ADGRL3: variants seen among roughly 807,000 people sequenced by gnomAD.
The protein encoded by ADGRL3 is calcium-independent alpha-latrotoxin receptor 3.
In ADGRL3, 62 loss-of-function variants were observed where a neutral mutation model predicts 153.5. That is an observed-to-expected ratio of 0.40 (90% confidence interval 0.33 to 0.50). ADGRL3 has a LOEUF of 0.50. Among genes scored for constraint, ADGRL3 ranks in the 20% least tolerant of loss-of-function variants. ADGRL3 has a pLI of 0.47. For missense variants in ADGRL3, 1,641 were observed against 1,859.4 expected, an observed-to-expected ratio of 0.88 and a Z score of 2.16; for synonymous variants, 710 against 672.5, an observed-to-expected ratio of 1.06 and a Z score of -0.86.
chr4:61,954,439 G>A (rs1382373392), intron 17 of ADGRL3, among the ~76,000 whole-genome samples: 2 of 151,896 alleles, frequency 1.3e-5, no homozygotes, highest in Non-Finnish European at 2.9e-5. Flanking sequence ...TTGCCAGAGG[G>A]ATACTTTTAA....
At chr4:61,272,431 T>G (rs2093239447) in intron 1 of ADGRL3, among the ~76,000 whole-genome samples, 1 of 152,104 alleles carries the variant, frequency 6.6e-6, no homozygotes, top group Non-Finnish European at 1.5e-5. Flanking sequence ...TGCTTTCACT[T>G]CTTATATAAA....
intron 5 of ADGRL3, among the ~76,000 whole-genome samples, chr4:61,598,048 TC>T (rs2098996471): frequency 6.6e-6 from 1 of 152,130 alleles, no homozygotes; most frequent in African/African-American, 2.4e-5. Context: ...AAGTAGATCA[TC>T]CTTGCCTGAG....
chr4:61,371,151 T>A (rs2096518829), intron 1 of ADGRL3, among the ~76,000 whole-genome samples: 1 of 150,926 alleles, frequency 6.6e-6, no homozygotes, highest in Admixed American at 6.6e-5. Flanking sequence ...GTTTCCTGAA[T>A]ACAGCACACT....
chr4:61,985,469 C>T (rs937056815), intron 19 of ADGRL3, among the ~76,000 whole-genome samples: 1 of 151,970 alleles, frequency 6.6e-6, no homozygotes, highest in African/African-American at 2.4e-5. Context: ...GCCAATTAGA[C>T]ATTAATAAAA....
chr4:61,902,692 G>C (rs2149724394), intron 11 of ADGRL3, among the ~76,000 whole-genome samples: 1 of 152,090 alleles, frequency 6.6e-6, no homozygotes, highest in South Asian at 2.1e-4. Flanking sequence ...CCTCTGCCCA[G>C]AGGCCCCTAC....
chr4:61,765,426 C>T (rs1001272380), intron 8 of ADGRL3, among the ~76,000 whole-genome samples: 1 of 152,068 alleles, frequency 6.6e-6, no homozygotes, highest in South Asian at 2.1e-4. Context: ...ATTGTCCAGT[C>T]CTTTTTAAGT....
chr4:61,430,880 T>C (rs941482976), intron 2 of ADGRL3, among the ~76,000 whole-genome samples: 3 of 152,218 alleles, frequency 2.0e-5, no homozygotes, highest in African/African-American at 7.2e-5. Flanking sequence ...AGTAGAGGTT[T>C]AGTGATAACA....
intron 2 of ADGRL3, among the ~76,000 whole-genome samples, chr4:61,461,354 A>G (rs2152586897): frequency 6.6e-6 from 1 of 152,302 alleles, no homozygotes; most frequent in South Asian, 2.1e-4. Flanking sequence ...GTATATATCA[A>G]TATAGCTAAA....
chr4:61,370,327 G>T (rs974316629), intron 1 of ADGRL3, among the ~76,000 whole-genome samples: 5 of 151,348 alleles, frequency 3.3e-5, no homozygotes, highest in African/African-American at 1.2e-4. Context: ...ATGTTAGGGT[G>T]TCAATTTTGG....
At chr4:61,383,636 A>G (rs1467646177) in intron 2 of ADGRL3, among the ~76,000 whole-genome samples, 1 of 151,840 alleles carries the variant, frequency 6.6e-6, no homozygotes, top group East Asian at 1.9e-4. Context: ...TTCAGTTTTC[A>G]ATTACATAAT....
intron 1 of ADGRL3, among the ~76,000 whole-genome samples, chr4:61,264,742 A>G (rs988126375): frequency 6.6e-6 from 1 of 152,010 alleles, no homozygotes; most frequent in African/African-American, 2.4e-5. Flanking sequence ...CCTATGGCAA[A>G]TACTGCTAGT....
At chr4:61,729,219 T>G (rs910713012) in intron 6 of ADGRL3, among the ~76,000 whole-genome samples, 3 of 151,888 alleles carry the variant, frequency 2.0e-5, no homozygotes, top group Non-Finnish European at 4.4e-5. Context: ...TTGAAACTAT[T>G]TAAAACATAA....
intron 5 of ADGRL3, among the ~76,000 whole-genome samples, chr4:61,660,387 C>A (rs2094560385): frequency 6.6e-6 from 1 of 152,076 alleles, no homozygotes; most frequent in Admixed American, 6.6e-5. Flanking sequence ...GATTCAGAAT[C>A]TTTTTCTTAA....
chr4:61,621,878 A>G (rs1002364858), intron 5 of ADGRL3, among the ~76,000 whole-genome samples: 1 of 152,188 alleles, frequency 6.6e-6, no homozygotes, highest in Non-Finnish European at 1.5e-5. Flanking sequence ...AAGGCAATTA[A>G]TCCCCACCTC....
chr4:61,211,286 C>A (rs539817269), intron 1 of ADGRL3, among the ~76,000 whole-genome samples: 12 of 152,092 alleles, frequency 7.9e-5, no homozygotes, highest in Middle Eastern at 3.4e-3. Context: ...TTGGATACCT[C>A]TAGCCTTCTG....
chr4:61,467,303 A>T (rs1472101645), intron 2 of ADGRL3, among the ~76,000 whole-genome samples: 2 of 152,158 alleles, frequency 1.3e-5, no homozygotes, highest in Non-Finnish European at 2.9e-5. Context: ...ACGTGATAAT[A>T]TTACCGTTCC....
chr4:61,690,635 G>T (rs1401568796), intron 6 of ADGRL3, among the ~76,000 whole-genome samples: 2 of 152,072 alleles, frequency 1.3e-5, no homozygotes, highest in Non-Finnish European at 2.9e-5. Flanking sequence ...AACAGGGAAG[G>T]ATCAGAAGAG....
At chr4:61,322,081 G>T (rs952305726) in intron 1 of ADGRL3, among the ~76,000 whole-genome samples, 5 of 152,156 alleles carry the variant, frequency 3.3e-5, no homozygotes, top group African/African-American at 1.2e-4. Context: ...CCTCACAATT[G>T]TGGCAGAAGG....
intron 8 of ADGRL3, among the ~76,000 whole-genome samples, chr4:61,773,760 T>A (rs2097112750): frequency 6.6e-6 from 1 of 151,770 alleles, no homozygotes; most frequent in South Asian, 2.1e-4. Flanking sequence ...TATTAAGGAG[T>A]TCTTCATGGA....
Sources: allele counts gnomAD v4.1 joint callset (sites outside exome capture counted in the v4.1 genomes callset), GRCh38; gene constraint gnomAD v4.1.1; transcripts MANE v1.5; gene names NCBI Gene and HGNC (gene_info 2026-07-23, HGNC 2026-07-21).